The following FER1L6 variants were observed in gnomAD, a reference collection of about 807,000 sequenced individuals.
FER1L6 encodes the protein fer-1 like family member 6.
FER1L6 carries 177 observed loss-of-function variants against 219.2 expected under a neutral mutation model. The observed-to-expected ratio is 0.81, with a 90% confidence interval of 0.71 to 0.91. The LOEUF (loss-of-function observed/expected upper bound fraction) is 0.91, where lower values mean the gene tolerates loss of function less well. Among genes scored for constraint, FER1L6 ranks in the 40% least tolerant of loss-of-function variants. The probability of loss-of-function intolerance (pLI) is 0.00; values close to 1 mark genes in which losing one functional copy is unlikely to be tolerated. For missense variants in FER1L6, 2,153 were observed against 2,259.9 expected (o/e 0.95, Z 0.96); for synonymous variants, 768 against 824.3 (o/e 0.93, Z 1.17).
rs7822090 is a variant in FER1L6, at chr8:123,857,970, G to T, written c.-8+5785G>T. ...ACTTAGCATCTCACCTGTGAGTGAG[G>T]TGTCAGGTTCCCCTTCCTGCAGGCA... On this transcript the variant is annotated intron_variant, in intron 1 of 40. Coordinates refer to ENST00000522917, the MANE Select transcript of FER1L6 (RefSeq NM_001039112.2). Among the ~76,000 whole-genome samples, 34 of 152,262 alleles carry T rather than the reference G, an allele frequency of 2.2e-4. 1 individual carries two copies. The South Asian group carries it at 6.9e-3, about 31-fold the overall frequency.
intron 24 of FER1L6, 169 bp downstream of exon 24, chr8:124,060,878 C>A: frequency 1.3e-6 from 1 of 773,820 alleles, no homozygotes; most frequent in Non-Finnish European, 1.9e-6. Flanking sequence ...TGTTTTGAAA[C>A]GTTTCCAGTG....
chr8:124,007,307 C>T (rs575646727), intron 13 of FER1L6, among the ~76,000 whole-genome samples: 2 of 152,040 alleles, frequency 1.3e-5, no homozygotes, highest in Admixed American at 1.3e-4. Flanking sequence ...CCTCTCCCCC[C>T]CCTACCTTCT....
At position 124,040,021 on chromosome 8, in the gene FER1L6, C is replaced by T; in HGVS notation, c.2589+15C>T. On this transcript the variant is annotated intron_variant, in intron 20 of 40. Transcript: ENST00000522917. ...AGACAACAAAGGTAACCAGGGTAAC[C>T]AAGACAGCCTGCTTCTTTCCTGCAG... 2 of 1,613,892 alleles carry T rather than the reference C, an allele frequency of 1.2e-6. No individual in the cohort carries two copies. Among genetic ancestry groups the T allele is most frequent in the Non-Finnish European group, 1.7e-6 (2 of 1,179,910 alleles).
At position 124,088,713 on chromosome 8, in the gene FER1L6, A is replaced by G. The variant is rs536810200; in HGVS notation, c.4392-2710A>G. 1.2e-4 allele frequency among the ~76,000 whole-genome samples: 19 copies of G among 152,190 alleles called. No homozygotes were observed. In the South Asian group the frequency reaches 3.9e-3, roughly 32 times the overall value. Reference sequence around the variant, plus strand: ...AAAACCCAAGGGCTCTTTAGTCAGTAGGAAATAAATCCTGCTATGTCTGGG... The same window carrying G: ...AAAACCCAAGGGCTCTTTAGTCAGTGGGAAATAAATCCTGCTATGTCTGGG... On this transcript the variant is annotated intron_variant, in intron 33 of 40. Transcript: ENST00000522917.
At chr8:123,871,489 G>A (rs563971641) in intron 1 of FER1L6, among the ~76,000 whole-genome samples, 1 of 152,128 alleles carries the variant, frequency 6.6e-6, no homozygotes, top group African/African-American at 2.4e-5. Flanking sequence ...ACATAATGTT[G>A]AGAGTTTGTA....
At position 124,064,341 on chromosome 8, in the gene FER1L6, T is replaced by C; in HGVS notation, c.3329-6T>C. Reference sequence around the variant, plus strand: ...AGCTCCCTGACCTGATGTGCTTTCATTTCAGATATTTCAGATTCGCTAACA... The same window carrying C: ...AGCTCCCTGACCTGATGTGCTTTCACTTCAGATATTTCAGATTCGCTAACA... On this transcript the variant is annotated splice_region_variant and splice_polypyrimidine_tract_variant and intron_variant, in intron 25 of 40. Coordinates refer to ENST00000522917, the MANE Select transcript of FER1L6 (RefSeq NM_001039112.2). 1 of 1,611,808 alleles carries C rather than the reference T, an allele frequency of 6.2e-7. No individual in the cohort carries two copies. Among genetic ancestry groups the C allele is most frequent in the Non-Finnish European group, 8.5e-7 (1 of 1,178,460 alleles).
chr8:123,922,401 A>T (rs1341361500), intron 1 of FER1L6, among the ~76,000 whole-genome samples: 1 of 152,348 alleles, frequency 6.6e-6, no homozygotes, highest in East Asian at 1.9e-4. Flanking sequence ...TGAGGAAAGA[A>T]TCCTCAGGTT....
At position 124,114,895 on chromosome 8, in the gene FER1L6, G is replaced by GTATATATATA. The variant is rs71289637; in HGVS notation, c.5290-3919_5290-3910dup. ...ACATATATATGCAGTGTGTGTGTGC[G>GTATATATATA]TATATATATATATATATATATATAT... On this transcript the variant is annotated intron_variant, in intron 39 of 40. Coordinates refer to ENST00000522917, the MANE Select transcript of FER1L6 (RefSeq NM_001039112.2). Among the ~76,000 whole-genome samples, 75 of 90,042 alleles carry GTATATATATA rather than the reference G, an allele frequency of 8.3e-4. 1 individual carries two copies. Among genetic ancestry groups the GTATATATATA allele is most frequent in the Non-Finnish European group, 1.0e-3 (46 of 44,100 alleles). 59.1% of individuals were successfully genotyped at this position (90,042 alleles called of 152,430 possible).
chr8:123,880,492 C>T (rs1402079592), intron 1 of FER1L6, among the ~76,000 whole-genome samples: 2 of 152,186 alleles, frequency 1.3e-5, no homozygotes, highest in African/African-American at 4.8e-5. Flanking sequence ...GAGAAGAGAA[C>T]TTACTTGCTC....
chr8:124,079,374 A>G (rs1821433931), intron 32 of FER1L6, among the ~76,000 whole-genome samples: 1 of 152,202 alleles, frequency 6.6e-6, no homozygotes, highest in African/African-American at 2.4e-5. Flanking sequence ...TTTGCTCTTA[A>G]GCTTTTTCTA....
At chr8:123,926,932 C>T (rs538893894) in intron 1 of FER1L6, among the ~76,000 whole-genome samples, 59 of 152,144 alleles carry the variant, frequency 3.9e-4, no homozygotes, top group Non-Finnish European at 7.5e-4. Flanking sequence ...AATTTTGTAA[C>T]ATATTGGACT....
rs1173650445 is a variant in FER1L6 at position 123,880,255 on chromosome 8, C to T, written c.-8+28070C>T. On this transcript the variant is annotated intron_variant, in intron 1 of 40. Coordinates refer to ENST00000522917, the MANE Select transcript of FER1L6 (RefSeq NM_001039112.2). ...ACTGATTGACCAGCTGATCGACCAA[C>T]AGACAGACCAACCGAGCCTTCTTCT... 3.3e-5 allele frequency among the ~76,000 whole-genome samples: 5 copies of T among 152,276 alleles called. No homozygotes were observed. In the East Asian group the frequency reaches 9.7e-4, roughly 29 times the overall value.
At chr8:123,990,203 T>A (rs1003018660) in intron 12 of FER1L6, among the ~76,000 whole-genome samples, 4 of 152,060 alleles carry the variant, frequency 2.6e-5, no homozygotes, top group Admixed American at 2.6e-4. Context: ...AGGAGGCGGA[T>A]CTTGCAGTAA....
chr8:124,003,558 C>T (rs1435270353), intron 13 of FER1L6, among the ~76,000 whole-genome samples: 2 of 145,196 alleles, frequency 1.4e-5, no homozygotes, highest in African/African-American at 2.6e-5. Flanking sequence ...CAACCTCTGC[C>T]TCGTGGGTTC....
At chr8:124,049,128 A>G (rs1586637457) in intron 21 of FER1L6, among the ~76,000 whole-genome samples, 1 of 151,244 alleles carries the variant, frequency 6.6e-6, no homozygotes, top group Non-Finnish European at 1.5e-5. Flanking sequence ...GCTTACTGCA[A>G]CCTCCACATC....
At chr8:124,097,625 G>T (rs184278788) in intron 36 of FER1L6, among the ~76,000 whole-genome samples, 160 bp from the exon 37 acceptor site, 1 of 152,200 alleles carries the variant, frequency 6.6e-6, no homozygotes, top group Non-Finnish European at 1.5e-5. Flanking sequence ...CTCCAGCTAG[G>T]ATACTTGGTT....
At chr8:123,961,645 T>C (rs902187434) in intron 2 of FER1L6, among the ~76,000 whole-genome samples, 2 of 152,004 alleles carry the variant, frequency 1.3e-5, no homozygotes, top group African/African-American at 4.8e-5. Flanking sequence ...TAATTACAGG[T>C]TACAGGAGGA....
At chr8:124,094,211 G>C (rs1414723843) in intron 34 of FER1L6, among the ~76,000 whole-genome samples, 2 of 152,058 alleles carry the variant, frequency 1.3e-5, no homozygotes, top group Admixed American at 6.5e-5. Context: ...TGATTTTCCA[G>C]GTCCTCTCAC....
chr8:123,947,817 C>A (rs1814571513), intron 1 of FER1L6, among the ~76,000 whole-genome samples: 1 of 152,166 alleles, frequency 6.6e-6, no homozygotes, highest in Admixed American at 6.5e-5. Context: ...TGCTCCATTG[C>A]AAAACTGGAG....
Sources: gnomAD v4.1 joint callset for allele counts (sites outside exome capture counted in the v4.1 genomes callset) on GRCh38, gnomAD v4.1.1 for gene constraint, MANE v1.5 for transcripts, NCBI Gene and HGNC (gene_info 2026-07-23, HGNC 2026-07-21) for gene names.